Variants in RINT1 observed in about 807,000 individuals in gnomAD.
RINT1 encodes the protein RAD50 interactor 1, also known as RAD50-interacting protein 1.
In RINT1, 75 loss-of-function variants were observed where a neutral mutation model predicts 97.7. That is an observed-to-expected ratio of 0.77 (90% confidence interval 0.64 to 0.93). The LOEUF is 0.93. Ranked by LOEUF, RINT1 falls within the 40% of genes least tolerant of loss-of-function variation. The pLI is 0.00. For missense variants in RINT1, 892 were observed against 925.2 expected, an observed-to-expected ratio of 0.96 and a Z score of 0.47; for synonymous variants, 303 against 326.3, an observed-to-expected ratio of 0.93 and a Z score of 0.77.
At chr7:105,549,990 C>A in intron 7 of RINT1, 65 bp from the exon 8 acceptor site, 2 of 1,018,222 alleles carry the variant, frequency 2.0e-6, no homozygotes, top group South Asian at 1.5e-5. Context: ...TTAAATAGAA[C>A]CATGTAATTG....
intron 11 of RINT1, 76 bp from the exon 12 acceptor site, chr7:105,563,657 T>C (rs1791544614): frequency 1.6e-6 from 2 of 1,218,880 alleles, no homozygotes; most frequent in Non-Finnish European, 2.4e-6. Context: ...AATGGGTGAA[T>C]TGTATGACAT....
In RINT1 at chr7:105,551,645, T is replaced by G. The variant is rs781375747; in HGVS notation, c.1409T>G (p.Val470Gly). The change falls in exon 10 of 15, where the codon GTG becomes GGG. Residue 470 changes from valine (V) to glycine (G), a missense_variant. By Grantham distance (109) the Val-to-Gly change is moderately radical. Coordinates refer to ENST00000257700, the MANE Select transcript of RINT1 (RefSeq NM_021930.6). ...TCGCAATATAAGGATATCACTGACG[T>G]GGATGAAATGAAAGTTCCAGATTGT... The part of the protein sequence containing the change: ...WVSQYKDITD[V>G]DEMKVPDCAE... 8.1e-6 allele frequency: 13 copies of G among 1,612,288 alleles called. No individual in the cohort carries two copies. The South Asian group carries it at 1.4e-4, about 18-fold the overall frequency.
chr7:105,560,378 G>A (rs188468518), intron 11 of RINT1, among the ~76,000 whole-genome samples: 1 of 152,096 alleles, frequency 6.6e-6, no homozygotes, highest in Non-Finnish European at 1.5e-5. Context: ...GAAAATTGGG[G>A]TACTGTTAAA....
intron 4 of RINT1, among the ~76,000 whole-genome samples, chr7:105,542,878 G>A (rs776773841): frequency 2.0e-5 from 3 of 149,706 alleles, no homozygotes; most frequent in South Asian, 2.1e-4. Flanking sequence ...ATGTAAGTAC[G>A]TTAAACTTTT....
chr7:105,532,934 A>G (rs1790092003), intron 2 of RINT1, 65 bp downstream of exon 2: 11 of 1,472,492 alleles, frequency 7.5e-6, no homozygotes, highest in African/African-American at 2.8e-5. Flanking sequence ...AGGGTCTGCA[A>G]TATAGAAAGG....
At chr7:105,566,846 A>T (rs1173239916) in intron 14 of RINT1, 1 of 211,474 alleles carries the variant, frequency 4.7e-6, no homozygotes, top group African/African-American at 2.3e-5. Flanking sequence ...AGCTATATTT[A>T]ATATAGTGTT....
chr7:105,542,667 G>T lies in RINT1; in HGVS notation c.515+18G>T. ...GAACTAAGGTAAAATGGGCCTCTTT[G>T]TTCTCACAATTACTATTTTCCTTTG... On this transcript the variant is annotated intron_variant, in intron 4 of 14. Coordinates refer to ENST00000257700, the MANE Select transcript of RINT1 (RefSeq NM_021930.6). The T allele has an allele frequency of 6.2e-7, 1 of 1,609,710 alleles. No individual in the cohort carries two copies.
intron 11 of RINT1, among the ~76,000 whole-genome samples, chr7:105,562,252 CTG>C (rs1791471984): frequency 6.6e-6 from 1 of 152,006 alleles, no homozygotes; most frequent in African/African-American, 2.4e-5. Context: ...GTTCCGCAAA[CTG>C]TTTTTTTGTT....
intron 7 of RINT1, 45 bp downstream of exon 7, chr7:105,548,755 T>C: frequency 6.5e-7 from 1 of 1,539,100 alleles, no homozygotes; most frequent in Non-Finnish European, 8.8e-7. Flanking sequence ...TGGTAACAAA[T>C]GTTAGAGTTT....
intron 11 of RINT1, among the ~76,000 whole-genome samples, chr7:105,560,870 G>A (rs973728062): frequency 3.3e-5 from 5 of 151,808 alleles, no homozygotes; most frequent in African/African-American, 9.7e-5. Context: ...ACAGGTGTGC[G>A]CCACCATGCC....
chr7:105,554,048 G>A (rs1342801038), intron 10 of RINT1, among the ~76,000 whole-genome samples: 1 of 151,640 alleles, frequency 6.6e-6, no homozygotes, highest in Non-Finnish European at 1.5e-5. Flanking sequence ...ACAGGCACCC[G>A]CCACCACACT....
At chr7:105,533,996 C>T (rs1168571714) in intron 2 of RINT1, among the ~76,000 whole-genome samples, 1 of 152,062 alleles carries the variant, frequency 6.6e-6, no homozygotes, top group Non-Finnish European at 1.5e-5. Flanking sequence ...CCCAAACCAC[C>T]GGTGTGTCAT....
intron 3 of RINT1, among the ~76,000 whole-genome samples, chr7:105,539,147 T>C (rs1452983526): frequency 2.0e-5 from 3 of 152,180 alleles, no homozygotes; most frequent in Non-Finnish European, 2.9e-5. Context: ...TATTGAACCT[T>C]AAATTCAGCA....
At chr7:105,532,952 C>T (rs977140197) in intron 2 of RINT1, 83 bp downstream of exon 2, 6 of 1,308,934 alleles carry the variant, frequency 4.6e-6, no homozygotes, top group East Asian at 2.3e-5. Flanking sequence ...AGGTTCTTTG[C>T]CTATCTTTTA....
intron 10 of RINT1, among the ~76,000 whole-genome samples, chr7:105,554,795 A>G (rs1791102787): frequency 6.6e-6 from 1 of 152,168 alleles, no homozygotes; most frequent in Non-Finnish European, 1.5e-5. Context: ...AACTTGAGGT[A>G]TAGTTTACAT....
intron 3 of RINT1, among the ~76,000 whole-genome samples, chr7:105,540,357 G>A (rs2133367094): frequency 6.6e-6 from 1 of 152,006 alleles, no homozygotes; most frequent in Non-Finnish European, 1.5e-5. Context: ...CCGCCTCCTG[G>A]TTTCACCAAT....
At chr7:105,538,672 G>T (rs973112155) in intron 3 of RINT1, among the ~76,000 whole-genome samples, 10 of 152,112 alleles carry the variant, frequency 6.6e-5, no homozygotes, top group Admixed American at 6.6e-4. Flanking sequence ...TACCCAACCT[G>T]TCCATTCTGC....
intron 11 of RINT1, among the ~76,000 whole-genome samples, chr7:105,562,166 G>A (rs894193944): frequency 6.6e-6 from 1 of 152,152 alleles, no homozygotes; most frequent in Non-Finnish European, 1.5e-5. Context: ...TCTTGAGATT[G>A]TTCCATTTCA....
Position 105,550,438 on chromosome 7 carries a change from C to A in RINT1, c.1285C>A (p.Leu429Ile), listed in dbSNP as rs1790880304. The change falls in exon 9 of 15, where the codon CTA becomes ATA. Residue 429 changes from leucine (L) to isoleucine (I), a missense_variant. Leu to Ile is a conservative substitution (Grantham distance 5, BLOSUM62 2). Transcript: ENST00000257700. ...PGTFASCMHILSEETCFQRWL... is the reference protein window; with the variant it reads ...PGTFASCMHIISEETCFQRWL... ...CACTTTTGCTAGTTGTATGCATATTCTATCAGAGGAAACCTGTTTTCAGAG... is the reference window on the plus strand; with the variant it reads ...CACTTTTGCTAGTTGTATGCATATTATATCAGAGGAAACCTGTTTTCAGAG... The A allele has an allele frequency of 6.2e-7, 1 of 1,613,922 alleles. No homozygotes were observed. The highest frequency in any genetic ancestry group is 1.7e-5 in the Admixed American group (1 of 59,972).
Sources: gnomAD v4.1 joint callset for allele counts (sites outside exome capture counted in the v4.1 genomes callset) on GRCh38, gnomAD v4.1.1 for gene constraint, MANE v1.5 for transcripts, NCBI Gene and HGNC (gene_info 2026-07-23, HGNC 2026-07-21) for gene names.